The following MYO3B variants were observed in gnomAD, a reference collection of about 807,000 sequenced individuals.
MYO3B encodes the protein myosin IIIB.
In MYO3B, 156 loss-of-function variants were observed where a neutral mutation model predicts 174.6. The observed-to-expected ratio is 0.89, with a 90% CI of 0.78 to 1.02. The LOEUF is 1.02. Ranked by LOEUF, MYO3B falls within the 50% of genes least tolerant of loss-of-function variation. The probability of loss-of-function intolerance (pLI) is 0.00; values close to 1 mark genes in which losing one functional copy is unlikely to be tolerated. For missense variants in MYO3B, 1,632 were observed against 1,639.4 expected (o/e 1.00, Z 0.08); for synonymous variants, 563 against 569.1 (o/e 0.99, Z 0.15).
chr2:170,359,474 A>G (rs1264174232), intron 8 of MYO3B, among the ~76,000 whole-genome samples: 1 of 152,174 alleles, frequency 6.6e-6, no homozygotes, highest in African/African-American at 2.4e-5. Flanking sequence ...ATCCTTGTTC[A>G]TGAACCTCAG....
intron 7 of MYO3B, among the ~76,000 whole-genome samples, chr2:170,302,858 G>A (rs770183855): frequency 6.6e-6 from 1 of 152,192 alleles, no homozygotes. Context: ...GGCAGTTTTG[G>A]TGATATGATG....
chr2:170,510,920 T>C (rs1211523793), intron 28 of MYO3B, among the ~76,000 whole-genome samples: 1 of 152,238 alleles, frequency 6.6e-6, no homozygotes, highest in East Asian at 1.9e-4. Context: ...GTAGTTCATT[T>C]ATTTTCATTG....
At chr2:170,578,102 G>A (rs113241070) in intron 32 of MYO3B, among the ~76,000 whole-genome samples, 7 of 152,328 alleles carry the variant, frequency 4.6e-5, no homozygotes, top group African/African-American at 1.4e-4. Flanking sequence ...ACCTGCTTAT[G>A]TTTGGCTGGT....
chr2:170,207,863 C>T (rs2092730652), intron 3 of MYO3B, among the ~76,000 whole-genome samples: 1 of 152,074 alleles, frequency 6.6e-6, no homozygotes, highest in Non-Finnish European at 1.5e-5. Context: ...AGTCATTCCT[C>T]TTTCTTTTCC....
rs1372404770 is a variant in MYO3B at position 170,609,141 on chromosome 2, C to G, written c.3734-42487C>G. Among the ~76,000 whole-genome samples the G allele has an allele frequency of 1.3e-5, 2 of 152,220 alleles. 1 individual carries two copies. The highest frequency in any genetic ancestry group is 2.9e-5 in the Non-Finnish European group (2 of 68,044). Reference sequence around the variant, plus strand: ...ATGTAGGTGGGAAATCACCCACGTGCTTGCTGATTTCCTTGCCCATGTTCC... The same window carrying G: ...ATGTAGGTGGGAAATCACCCACGTGGTTGCTGATTTCCTTGCCCATGTTCC... On this transcript the variant is annotated intron_variant, in intron 32 of 34. Transcript: ENST00000408978.
At chr2:170,646,893 C>T (rs990302224) in intron 32 of MYO3B, 1 of 1,351,216 alleles carries the variant, frequency 7.4e-7, no homozygotes, top group Non-Finnish European at 9.9e-7. Context: ...CTATATTTCT[C>T]TGTCTCTCGC....
chr2:170,569,124 T>TTTG (rs35708884), intron 32 of MYO3B, among the ~76,000 whole-genome samples: 2 of 32,896 alleles, frequency 6.1e-5, no homozygotes, highest in Admixed American at 2.7e-4. Context: ...ACGTTTTTCT[T>TTTG]TTATTAACCA....
chr2:170,648,662 T>TTATATTCTATATAATATA (rs1698571752), intron 32 of MYO3B, among the ~76,000 whole-genome samples: 1 of 104,786 alleles, frequency 9.5e-6, no homozygotes, highest in Non-Finnish European at 2.0e-5. Flanking sequence ...ATAATATATA[T>TTATATTCTATATAATATA]TATATTCTAT....
chr2:170,305,451 A>G (rs1223946867), intron 7 of MYO3B, among the ~76,000 whole-genome samples: 1 of 152,178 alleles, frequency 6.6e-6, no homozygotes, highest in Non-Finnish European at 1.5e-5. Context: ...ATTTTAAAAT[A>G]TGGTAGTGAT....
At chr2:170,606,005 C>T (rs1694784722) in intron 32 of MYO3B, among the ~76,000 whole-genome samples, 1 of 152,132 alleles carries the variant, frequency 6.6e-6, no homozygotes, top group Non-Finnish European at 1.5e-5. Context: ...TTGATTTTGT[C>T]CATTTCTCTT....
At chr2:170,267,910 A>G (rs528976372) in intron 7 of MYO3B, among the ~76,000 whole-genome samples, 46 of 152,288 alleles carry the variant, frequency 3.0e-4, no homozygotes, top group African/African-American at 9.9e-4. Flanking sequence ...AAAAATGGAT[A>G]AAGAAACTGT....
At chr2:170,451,467 A>G (rs1559014274) in intron 23 of MYO3B, among the ~76,000 whole-genome samples, 5 of 152,266 alleles carry the variant, frequency 3.3e-5, no homozygotes, top group Admixed American at 2.6e-4. Context: ...CAAACCTAAT[A>G]TCTGACCTAA....
chr2:170,466,842 A>C, intron 25 of MYO3B, 131 bp downstream of exon 25: 1 of 920,404 alleles, frequency 1.1e-6, no homozygotes, highest in Non-Finnish European at 1.6e-6. Context: ...GCTACCATTT[A>C]CTTGCTTGAA....
intron 32 of MYO3B, chr2:170,602,264 C>T (rs1694558958): frequency 3.8e-6 from 3 of 796,174 alleles, no homozygotes; most frequent in South Asian, 1.4e-5. Flanking sequence ...CACACAGTCA[C>T]CCAGTGCCCG....
intron 22 of MYO3B, among the ~76,000 whole-genome samples, chr2:170,409,898 A>G (rs2094534406): frequency 6.6e-6 from 1 of 152,216 alleles, no homozygotes; most frequent in Non-Finnish European, 1.5e-5. Flanking sequence ...CTAAATTTTA[A>G]AACGTTCATA....
In MYO3B at chr2:170,478,522, TACACACACACACAC is replaced by T. The variant is rs60349340; in HGVS notation, c.3014+11837_3014+11850del. Among the ~76,000 whole-genome samples the T allele has an allele frequency of 1.4e-3, 181 of 126,110 alleles. 2 individuals carry two copies. The highest frequency in any genetic ancestry group is 4.6e-3 in the African/African-American group (151 of 32,610). 82.7% of individuals were successfully genotyped at this position (126,110 alleles called of 152,430 possible). A position where few individuals can be genotyped will look rare whatever the true frequency, so the allele number is the denominator to read the frequency against. On this transcript the variant is annotated intron_variant, in intron 25 of 34. Coordinates refer to ENST00000408978, the MANE Select transcript of MYO3B (RefSeq NM_138995.5). ...GGAGAAGGTGTGTGGGGTGTTATTG[TACACACACACACAC>T]ACACACACACACACACACACACACA...
At chr2:170,582,194 A>T (rs1693195000) in intron 32 of MYO3B, among the ~76,000 whole-genome samples, 1 of 152,252 alleles carries the variant, frequency 6.6e-6, no homozygotes, top group South Asian at 2.1e-4. Context: ...CTACAGACGC[A>T]CTACCAGCAG....
intron 7 of MYO3B, among the ~76,000 whole-genome samples, chr2:170,285,371 C>T (rs1260398024): frequency 3.3e-5 from 2 of 60,286 alleles, no homozygotes; most frequent in African/African-American, 9.6e-5. Context: ...CAGTCTGTGA[C>T]CTTTTTTTTT....
At chr2:170,519,957 A>AG (rs1688567768) in intron 30 of MYO3B, 6 of 145,878 alleles carry the variant, frequency 4.1e-5, no homozygotes, top group African/African-American at 1.6e-4. Flanking sequence ...TGGGCAACAC[A>AG]GCAAGACTCT....
Sources: gnomAD v4.1 joint callset for allele counts (sites outside exome capture counted in the v4.1 genomes callset) on GRCh38, gnomAD v4.1.1 for gene constraint, MANE v1.5 for transcripts, NCBI Gene and HGNC (gene_info 2026-07-23, HGNC 2026-07-21) for gene names.